The following PLEKHH1 variants were observed in gnomAD, a reference collection of about 807,000 sequenced individuals.
The protein encoded by PLEKHH1 is pleckstrin homology domain-containing family H member 1.
Under a neutral mutation model 160.0 loss-of-function variants are expected in PLEKHH1, and 104 were observed. The ratio of observed to expected loss-of-function variants is 0.65; its 90% CI spans 0.55 to 0.76. The LOEUF (loss-of-function observed/expected upper bound fraction) is 0.76. Ranked by LOEUF, PLEKHH1 falls within the 30% of genes least tolerant of loss-of-function variation. The probability of loss-of-function intolerance (pLI) is 0.00; values close to 1 mark genes in which losing one functional copy is unlikely to be tolerated. For synonymous variants in PLEKHH1, 619 were observed against 678.4 expected (o/e 0.91, Z 1.36); for missense variants, 1,427 against 1,724.1 (o/e 0.83, Z 3.05).
rs369787194 is a variant in PLEKHH1, at chr14:67,578,160, G to A, written c.2712G>A (p.Gln904=). Residue 904 remains glutamine, a synonymous_variant, in exon 19 of 29, where the codon CAG becomes CAA. Transcript: ENST00000329153. The surrounding 1 kb of genome is among the most constrained non-coding windows in gnomAD (Gnocchi z 5.0). ...QSEIYCQLMK[Q]TSCRPPQKYS... is the part of the protein sequence containing the mutation. ...AGATCTACTGCCAACTCATGAAGCA[G>A]ACCAGCTGCCGCCCACCTCAGAAGT... 1.9e-6 allele frequency: 3 copies of A among 1,613,854 alleles called. No individual in the cohort carries two copies. The African/African-American group carries it at 4.0e-5, about 22-fold the overall frequency.
In PLEKHH1 at chr14:67,574,915, T is replaced by G. The variant is rs2035553850; in HGVS notation, c.2089-477T>G. On this transcript the variant is annotated intron_variant, in intron 14 of 28. Transcript: ENST00000329153. This position sits in a 1 kb window ranked among gnomAD's most constrained non-coding sequence, Gnocchi z 4.2. ...GAACACCAGCAGGAACCAAAGCGAC[T>G]TGCACTCAGCAAGCTCAGGGCTGGC... is the stretch of plus-strand genomic sequence containing the variant. Among the ~76,000 whole-genome samples, 1 of 152,204 alleles carries G rather than the reference T, an allele frequency of 6.6e-6. No individual in the cohort carries two copies. Among genetic ancestry groups the G allele is most frequent in the Non-Finnish European group, 1.5e-5 (1 of 68,044 alleles).
chr14:67,579,496 A>G, intron 21 of PLEKHH1, 185 bp downstream of exon 21: 2 of 661,308 alleles, frequency 3.0e-6, no homozygotes, highest in Admixed American at 3.2e-5. Context: ...CCTCCAAAAG[A>G]TTGTTGGTAA....
intron 28 of PLEKHH1, 80 bp from the exon 29 acceptor site, chr14:67,586,994 G>A (rs984982566): frequency 1.2e-5 from 19 of 1,529,568 alleles, no homozygotes; most frequent in Non-Finnish European, 1.8e-6. Context: ...CAGGAACTCA[G>A]CATAAGAGCT....
chr14:67,570,083 G>A, intron 9 of PLEKHH1, 71 bp downstream of exon 9: 1 of 1,076,958 alleles, frequency 9.3e-7, no homozygotes, highest in Non-Finnish European at 1.4e-6. Context: ...CCAATGACTG[G>A]GGCGGGGCTC....
Position 67,562,736 on chromosome 14 carries a change from A to G in PLEKHH1, c.1105A>G (p.Arg369Gly), listed in dbSNP as rs765639220. ...CCTTCCTGAGCTGGAGTCCCGAGCTAGGTCCCGGGAGGAACCAGAGAAGAT... is the reference window on the plus strand; with the variant it reads ...CCTTCCTGAGCTGGAGTCCCGAGCTGGGTCCCGGGAGGAACCAGAGAAGAT... ...SGLPELESRA[R>G]SREEPEKMEM... The change falls in exon 7 of 29, where the codon AGG becomes GGG. Residue 369 changes from arginine to glycine, a missense_variant. This residue lies in a region of PLEKHH1 where 831 missense variants were observed against 929.2 expected (regional missense o/e 0.89). Transcript: ENST00000329153. 6.2e-7 allele frequency: 1 copy of G among 1,613,726 alleles called. No homozygotes were observed. Among genetic ancestry groups the G allele is most frequent in the South Asian group, 1.1e-5 (1 of 91,002 alleles).
chr14:67,574,030 T>TC lies in PLEKHH1; in HGVS notation c.1926+143_1926+144insC. 1 of 714,320 alleles carries TC rather than the reference T, an allele frequency of 1.4e-6. No homozygotes were observed. Among genetic ancestry groups the TC allele is most frequent in the Non-Finnish European group, 2.4e-6 (1 of 414,602 alleles). 44.2% of individuals were successfully genotyped at this position (714,320 alleles called of 1,614,324 possible). ...TTTGGACGTGATCCTAACTTGTGAG[T>TC]ACAAGAAAGGAAGATGAGACAGAAT... On this transcript the variant is annotated intron_variant, in intron 13 of 28. Transcript: ENST00000329153. The surrounding 1 kb of genome is among the most constrained non-coding windows in gnomAD (Gnocchi z 4.2).
At chr14:67,572,333 G>GA in intron 11 of PLEKHH1, 56 bp downstream of exon 11, 1 of 1,495,380 alleles carries the variant, frequency 6.7e-7, no homozygotes, top group Non-Finnish European at 9.0e-7. Flanking sequence ...AGAGGCTGCT[G>GA]GGGCCCTCAG....
chr14:67,548,626 G>A (rs2034273096), intron 2 of PLEKHH1, among the ~76,000 whole-genome samples: 2 of 152,198 alleles, frequency 1.3e-5, no homozygotes, highest in Admixed American at 1.3e-4. Flanking sequence ...GAAACCGGGA[G>A]GCAGAGGTTG....
At position 67,579,832 on chromosome 14, in the gene PLEKHH1, C is replaced by T. The variant is rs768200891; in HGVS notation, c.3139C>T (p.Pro1047Ser). 2 of 1,608,026 alleles carry T rather than the reference C, an allele frequency of 1.2e-6. No individual in the cohort carries two copies. The highest frequency in any genetic ancestry group is 2.2e-5 in the East Asian group (1 of 44,680). ...TGGCTTTGCCCTCTTCACGGACGAT[C>T]CCTCGGGCAGGGACCTGGAGCACTG... Reference protein sequence around the residue: ...HSGFALFTDDPSGRDLEHCLQ... With the variant: ...HSGFALFTDDSSGRDLEHCLQ... Residue 1047 changes from proline (P) to serine (S), a missense_variant, in exon 22 of 29, where the codon CCC (proline) becomes TCC (serine). Coordinates refer to ENST00000329153, the MANE Select transcript of PLEKHH1 (RefSeq NM_020715.3).
At chr14:67,541,514 G>C (rs2033962053) in intron 1 of PLEKHH1, among the ~76,000 whole-genome samples, 1 of 152,354 alleles carries the variant, frequency 6.6e-6, no homozygotes, top group East Asian at 1.9e-4. Flanking sequence ...GGATAAGTTT[G>C]TTGTGTGAAT....
chr14:67,571,167 A>T (rs185283606), intron 9 of PLEKHH1: 2 of 154,664 alleles, frequency 1.3e-5, no homozygotes, highest in East Asian at 3.8e-4. Flanking sequence ...CACTGTGCAC[A>T]TATATCTTTG....
chr14:67,581,007 A>G lies in PLEKHH1; in HGVS notation c.3253A>G (p.Thr1085Ala). 1 of 1,613,038 alleles carries G rather than the reference A, an allele frequency of 6.2e-7. No individual in the cohort carries two copies. The highest frequency in any genetic ancestry group is 8.5e-7 in the Non-Finnish European group (1 of 1,179,030). ...ELHPGKSEGG[T>A]RVVKLMYKNR... The stretch of plus-strand genomic sequence containing the variant: ...GCACCCCGGAAAGTCTGAGGGTGGG[A>G]CACGCGTCGTGAAGCTGATGTACAA... The change falls in exon 23 of 29, where the codon ACA (threonine) becomes GCA (alanine). Residue 1085 changes from threonine (T) to alanine (A), a missense_variant. Transcript: ENST00000329153.
rs1247959107 is a variant in PLEKHH1, at chr14:67,574,043, G to T, written c.1926+156G>T. On this transcript the variant is annotated intron_variant, in intron 13 of 28. Coordinates refer to ENST00000329153, the MANE Select transcript of PLEKHH1 (RefSeq NM_020715.3). The surrounding 1 kb of genome is among the most constrained non-coding windows in gnomAD (Gnocchi z 4.2). ...CTAACTTGTGAGTACAAGAAAGGAA[G>T]ATGAGACAGAATATGAGAGATGGAG... Among the ~76,000 whole-genome samples, 8 of 152,332 alleles carry T rather than the reference G, an allele frequency of 5.3e-5. No individual in the cohort carries two copies. Among genetic ancestry groups the T allele is most frequent in the Middle Eastern group, 3.4e-3 (1 of 294 alleles).
In PLEKHH1 at chr14:67,579,810, C is replaced by CT. The variant is rs761634626; in HGVS notation, c.3120dup (p.Ala1041CysfsTer24). The CT allele has an allele frequency of 6.2e-7, 1 of 1,610,588 alleles. No homozygotes were observed. Among genetic ancestry groups the CT allele is most frequent in the South Asian group, 1.1e-5 (1 of 89,930 alleles). ...GCATGAGAAAGCCATCCCACTCTGG[C>CT]TTTGCCCTCTTCACGGACGATCCCT... On this transcript the variant is annotated frameshift_variant, in exon 22 of 29. Coordinates refer to ENST00000329153, the MANE Select transcript of PLEKHH1 (RefSeq NM_020715.3). LOFTEE classifies it high-confidence loss of function.
chr14:67,587,083 G>A lies in PLEKHH1; in HGVS notation c.3943G>A (p.Ala1315Thr), dbSNP rs775726616. Residue 1315 changes from alanine (A) to threonine (T), a missense_variant, in exon 29 of 29, where the codon GCT (alanine) becomes ACT (threonine). Physicochemically the swap from Ala to Thr is moderately conservative, Grantham distance 58 (BLOSUM62 0). This residue lies in a region of PLEKHH1 where 96 missense variants were observed against 97.6 expected (regional missense o/e 0.98). Transcript: ENST00000329153. ...TCTGACCTCCTCTTAGATTGCAGAA[G>A]CTACCTTCATCATGGCCAGCTATAT... ...FRMAAPKIAEATFIMASYMNH... is the reference protein window; with the variant it reads ...FRMAAPKIAETTFIMASYMNH... 1.2e-6 allele frequency: 2 copies of A among 1,605,344 alleles called. No individual in the cohort carries two copies. Among genetic ancestry groups the A allele is most frequent in the South Asian group, 1.1e-5 (1 of 90,022 alleles).
At chr14:67,559,545 C>T (rs1239964259) in intron 4 of PLEKHH1, 63 bp from the exon 5 acceptor site, 1 of 1,193,612 alleles carries the variant, frequency 8.4e-7, no homozygotes, top group Non-Finnish European at 1.2e-6. Flanking sequence ...GGGTTTCCCA[C>T]CTCCAGTCAG....
chr14:67,533,629 G>T (rs915415451), intron 1 of PLEKHH1: 1 of 152,188 alleles, frequency 6.6e-6, no homozygotes, highest in Non-Finnish European at 1.5e-5. Flanking sequence ...GCCTCCCCCG[G>T]GAGTACCTGG....
At chr14:67,535,741 G>A (rs949641148) in intron 1 of PLEKHH1, among the ~76,000 whole-genome samples, 1 of 152,094 alleles carries the variant, frequency 6.6e-6, no homozygotes, top group Non-Finnish European at 1.5e-5. Flanking sequence ...GTTTGCCTTT[G>A]TTTGCTGATT....
chr14:67,561,903 T>G, intron 5 of PLEKHH1, 51 bp from the exon 6 acceptor site: 2 of 1,202,546 alleles, frequency 1.7e-6, no homozygotes, highest in Non-Finnish European at 2.5e-6. Context: ...AAAAAATACA[T>G]CTAAACCTGT....
Sources: allele counts gnomAD v4.1 joint callset (sites outside exome capture counted in the v4.1 genomes callset), GRCh38; gene constraint gnomAD v4.1.1; regional missense constraint gnomAD v4.1.1; non-coding constraint Gnocchi (gnomAD v3.1); transcripts MANE v1.5; gene names NCBI Gene and HGNC (gene_info 2026-07-23, HGNC 2026-07-21).